Variants in TGFA observed in about 807,000 individuals in gnomAD.
The protein encoded by TGFA is transforming growth factor alpha.
In TGFA, 12 loss-of-function variants were observed where a neutral mutation model predicts 21.7. That is an observed-to-expected ratio of 0.55 (90% CI 0.35 to 0.90). The LOEUF (loss-of-function observed/expected upper bound fraction) is 0.90. Ranked by LOEUF, TGFA falls within the 40% of genes least tolerant of loss-of-function variation. TGFA has a pLI of 0.01. For synonymous variants in TGFA, 79 were observed against 88.1 expected (o/e 0.90, Z 0.58); for missense variants, 178 against 210.8 (o/e 0.84, Z 0.96).
Position 70,484,903 on chromosome 2 carries a change from C to T in TGFA, c.95-19167G>A, listed in dbSNP as rs1012055358. ...ACCAAAGAACCCTAGTTGATGTATTCGGAACAAGATCTGTTCTTCAACTGA... is the reference window on the plus strand; with the variant it reads ...ACCAAAGAACCCTAGTTGATGTATTTGGAACAAGATCTGTTCTTCAACTGA... On this transcript the variant is annotated intron_variant, in intron 2 of 5. Coordinates refer to ENST00000295400, the MANE Select transcript of TGFA (RefSeq NM_003236.4). Among the ~76,000 whole-genome samples the T allele has an allele frequency of 4.6e-5, 7 of 152,312 alleles. 1 individual carries two copies. The South Asian group carries it at 1.0e-3, about 23-fold the overall frequency.
chr2:70,507,302 T>C (rs1479572004), intron 2 of TGFA, among the ~76,000 whole-genome samples: 2 of 152,246 alleles, frequency 1.3e-5, no homozygotes, highest in African/African-American at 2.4e-5. Context: ...GAAAGCACAA[T>C]GCAAATGAAA....
At chr2:70,476,080 CAAAAAA>C (rs1175233983) in intron 2 of TGFA, among the ~76,000 whole-genome samples, 23 of 55,654 alleles carry the variant, frequency 4.1e-4, no homozygotes, top group Middle Eastern at 0.014. Context: ...TAATTTTAAG[CAAAAAA>C]AAAAAAAAAA....
chr2:70,499,689 A>G (rs1475314753), intron 2 of TGFA, among the ~76,000 whole-genome samples: 1 of 152,182 alleles, frequency 6.6e-6, no homozygotes, highest in East Asian at 1.9e-4. Context: ...TTTTGTATCT[A>G]TTGTGTCAGA....
In TGFA at chr2:70,449,900, G is replaced by C. The variant is rs1669998119; in HGVS notation, c.*959C>G. The C allele has an allele frequency of 6.5e-6, 1 of 153,086 alleles. No individual in the cohort carries two copies. Among genetic ancestry groups the C allele is most frequent in the South Asian group, 2.0e-4 (1 of 4,908 alleles). 9.5% of individuals were successfully genotyped at this position (153,086 alleles called of 1,614,324 possible). A position where few individuals can be genotyped will look rare whatever the true frequency, so the allele number is the denominator to read the frequency against. ...ATATGTATTGGGTTTATCCTGTGTA[G>C]ACACACACACTCTTCCTCTCTCCCC... On this transcript the variant is annotated 3_prime_UTR_variant, in exon 6 of 6. Coordinates refer to ENST00000295400, the MANE Select transcript of TGFA (RefSeq NM_003236.4).
intron 1 of TGFA, among the ~76,000 whole-genome samples, chr2:70,519,845 C>A (rs1054312930): frequency 2.6e-5 from 4 of 152,258 alleles, no homozygotes; most frequent in Non-Finnish European, 5.9e-5. Context: ...TGGGTGCCTG[C>A]ACCACAACCC....
chr2:70,453,456 G>A (rs943417996), intron 4 of TGFA, 129 bp from the exon 5 acceptor site: 1 of 699,728 alleles, frequency 1.4e-6, no homozygotes, highest in Non-Finnish European at 2.4e-6. Flanking sequence ...TCCCCATGGG[G>A]GCTTCTAGAG....
rs1669917432 is a variant in TGFA at position 70,447,541 on chromosome 2, T to A, written c.*3318A>T. 1 of 151,768 alleles carries A rather than the reference T, an allele frequency of 6.6e-6. No homozygotes were observed. The highest frequency in any genetic ancestry group is 6.6e-5 in the Admixed American group (1 of 15,242). 9.4% of individuals were successfully genotyped at this position (151,768 alleles called of 1,614,324 possible). A position where few individuals can be genotyped will look rare whatever the true frequency, so the allele number is the denominator to read the frequency against. ...CATATACAGACATCAGAGTAAGGAG[T>A]TCTAAAAAAAAGCATCAGGTTTATT... On this transcript the variant is annotated 3_prime_UTR_variant, in exon 6 of 6. Coordinates refer to ENST00000295400, the MANE Select transcript of TGFA (RefSeq NM_003236.4).
At chr2:70,471,635 A>T (rs11466237) in intron 2 of TGFA, among the ~76,000 whole-genome samples, 2,024 of 152,100 alleles carry the variant, frequency 0.013, 42 homozygotes, top group African/African-American at 0.046. Flanking sequence ...TTCCTATGAG[A>T]GGCACTTTGG....
chr2:70,474,417 C>G (rs1373889726), intron 2 of TGFA, among the ~76,000 whole-genome samples: 1 of 152,184 alleles, frequency 6.6e-6, no homozygotes, highest in Non-Finnish European at 1.5e-5. Context: ...ACAAATCACG[C>G]TGGCAGTGAG....
At chr2:70,474,969 C>T (rs966890168) in intron 2 of TGFA, among the ~76,000 whole-genome samples, 3 of 147,592 alleles carry the variant, frequency 2.0e-5, no homozygotes, top group Non-Finnish European at 3.0e-5. Flanking sequence ...ACACAGCAGC[C>T]GTGTGTGTGT....
intron 1 of TGFA, among the ~76,000 whole-genome samples, chr2:70,533,060 G>A (rs1672863623): frequency 6.6e-6 from 1 of 151,572 alleles, no homozygotes; most frequent in Non-Finnish European, 1.5e-5. Context: ...TAGAGACAGG[G>A]TTTCACCATA....
At chr2:70,465,969 C>T (rs1477327002) in intron 2 of TGFA, among the ~76,000 whole-genome samples, 1 of 152,166 alleles carries the variant, frequency 6.6e-6, no homozygotes, top group Non-Finnish European at 1.5e-5. Flanking sequence ...AAACAAATTT[C>T]CCCTCAAACT....
rs78845259 is a variant in TGFA at position 70,517,938 on chromosome 2, G to T, written c.41-3026C>A. The stretch of plus-strand genomic sequence containing the variant: ...GTATGAGCACCCAGGCTCACCAGCT[G>T]CCCAGCCCTCTGGCCACACGACTGT... On this transcript the variant is annotated intron_variant, in intron 1 of 5. Transcript: ENST00000295400. 2.6e-3 allele frequency among the ~76,000 whole-genome samples: 394 copies of T among 152,370 alleles called. 5 individuals are homozygous for T. The highest frequency in any genetic ancestry group is 9.2e-3 in the African/African-American group (381 of 41,588).
At chr2:70,484,364 A>C (rs1553496240) in intron 2 of TGFA, among the ~76,000 whole-genome samples, 1 of 152,212 alleles carries the variant, frequency 6.6e-6, no homozygotes, top group Non-Finnish European at 1.5e-5. Flanking sequence ...GATCCAGACA[A>C]TATTAATTTC....
In TGFA at chr2:70,453,286, A is replaced by T. The variant is rs200451222; in HGVS notation, c.407T>A (p.Leu136His). ...GCTGGGCTTCTCGTGCCGGCAGATGAGGGCCCGGCACCACTCACAGTGTTT... is the reference window on the plus strand; with the variant it reads ...GCTGGGCTTCTCGTGCCGGCAGATGTGGGCCCGGCACCACTCACAGTGTTT... ...VRKHCEWCRA[L>H]ICRHEKPSAL... is the part of the protein sequence containing the mutation. Residue 136 changes from leucine (L) to histidine (H), a missense_variant, in exon 5 of 6, where the codon CTC becomes CAC. Physicochemically the swap from Leu to His is moderately conservative, Grantham distance 99. Transcript: ENST00000295400. The T allele has an allele frequency of 6.2e-7, 1 of 1,613,856 alleles. No homozygotes were observed. The highest frequency in any genetic ancestry group is 8.5e-7 in the Non-Finnish European group (1 of 1,179,916).
intron 2 of TGFA, among the ~76,000 whole-genome samples, chr2:70,482,258 A>G (rs550875126): frequency 1.3e-5 from 2 of 152,342 alleles, no homozygotes; most frequent in East Asian, 3.9e-4. Flanking sequence ...AATTCTTATA[A>G]AAGCCCTGTG....
At chr2:70,478,500 GA>G (rs5832013) in intron 2 of TGFA, among the ~76,000 whole-genome samples, 69,892 of 147,716 alleles carry the variant, frequency 0.47, 16,345 homozygotes, top group East Asian at 0.6. Context: ...GATACCACTG[GA>G]AAAAAAAAAA....
At chr2:70,511,027 G>A (rs1672082480) in intron 2 of TGFA, among the ~76,000 whole-genome samples, 1 of 152,120 alleles carries the variant, frequency 6.6e-6, no homozygotes, top group African/African-American at 2.4e-5. Context: ...TAAGCCCCAT[G>A]CTCTTTTGAG....
chr2:70,487,464 C>T (rs148672126), intron 2 of TGFA, among the ~76,000 whole-genome samples: 52 of 152,256 alleles, frequency 3.4e-4, no homozygotes, highest in African/African-American at 1.2e-3. Context: ...TTCATATATA[C>T]CTTATACACA....
Sources: gnomAD v4.1 joint callset for allele counts (sites outside exome capture counted in the v4.1 genomes callset) on GRCh38, gnomAD v4.1.1 for gene constraint, MANE v1.5 for transcripts, NCBI Gene and HGNC (gene_info 2026-07-23, HGNC 2026-07-21) for gene names.